Variants in RYR2 observed in about 807,000 individuals in gnomAD.
RYR2 encodes ryanodine receptor 2.
Under a neutral mutation model 601.1 loss-of-function variants are expected in RYR2, and 227 were observed. That is an observed-to-expected ratio of 0.38 (90% CI 0.34 to 0.42). The LOEUF (loss-of-function observed/expected upper bound fraction) is 0.42. Among genes scored for constraint, RYR2 ranks in the 10% least tolerant of loss-of-function variants. The pLI is 1.00. For missense variants in RYR2, 4,646 were observed against 6,156.5 expected, an observed-to-expected ratio of 0.75 and a Z score of 8.21; for synonymous variants, 2,223 against 2,175.1, an observed-to-expected ratio of 1.02 and a Z score of -0.61.
intron 57 of RYR2, 53 bp from the exon 58 acceptor site, chr1:237,667,830 C>T: frequency 2.3e-6 from 3 of 1,308,772 alleles, no homozygotes; most frequent in Non-Finnish European, 3.2e-6. Flanking sequence ...TATTAGAAAG[C>T]AATATTATCC....
intron 1 of RYR2, among the ~76,000 whole-genome samples, chr1:237,087,753 A>T (rs548052164): frequency 6.6e-6 from 1 of 152,236 alleles, no homozygotes; most frequent in East Asian, 1.9e-4. Context: ...TTCTCCTCCT[A>T]CATTCCCCCC....
intron 29 of RYR2, among the ~76,000 whole-genome samples, chr1:237,588,986 T>G (rs141675764): frequency 1.4e-4 from 21 of 152,240 alleles, no homozygotes; most frequent in African/African-American, 4.3e-4. Context: ...ACAAAGTTAG[T>G]ATAGTTCCCC....
chr1:237,058,828 ACAAT>A (rs1662496376), intron 1 of RYR2, among the ~76,000 whole-genome samples: 1 of 152,030 alleles, frequency 6.6e-6, no homozygotes, highest in African/African-American at 2.4e-5. Flanking sequence ...GTGTTCAGTA[ACAAT>A]CAGGTAGCAA....
chr1:237,278,596 T>C (rs1036383226), intron 2 of RYR2, among the ~76,000 whole-genome samples: 2 of 152,186 alleles, frequency 1.3e-5, no homozygotes, highest in African/African-American at 4.8e-5. Context: ...GATAAGTGAA[T>C]ATAATTTGTA....
intron 72 of RYR2, 21 bp from the exon 73 acceptor site, chr1:237,718,441 G>A (rs1350024527): frequency 1.5e-6 from 2 of 1,345,190 alleles, no homozygotes; most frequent in Admixed American, 3.5e-5. Flanking sequence ...CTCCTTTTAG[G>A]TAACATATAT....
chr1:237,390,432 C>T (rs1193823402), intron 10 of RYR2, among the ~76,000 whole-genome samples: 1 of 152,044 alleles, frequency 6.6e-6, no homozygotes, highest in Admixed American at 6.6e-5. Context: ...TTATCTCCTG[C>T]TTTATGGGGC....
intron 73 of RYR2, among the ~76,000 whole-genome samples, chr1:237,721,489 A>G (rs1181712112): frequency 6.6e-6 from 1 of 152,150 alleles, no homozygotes; most frequent in Non-Finnish European, 1.5e-5. Context: ...ATTCTAAAGT[A>G]GAAGACAAGG....
chr1:237,548,579 G>A lies in RYR2; in HGVS notation c.3055G>A (p.Gly1019Ser), dbSNP rs772634446. The stretch of plus-strand genomic sequence containing the variant: ...TCGAATCCGGCAGGGCTGGACTTAT[G>A]GCATCCAACAGGTACATGGGAATTA... Reference protein sequence around the residue: ...RDRIRQGWTYGIQQDVKNRRN... With the variant: ...RDRIRQGWTYSIQQDVKNRRN... Residue 1019 changes from glycine (G) to serine (S), a missense_variant, in exon 26 of 105, where the codon GGC (glycine) becomes AGC (serine). Around this residue, in one of 17 missense-constraint regions of RYR2, gnomAD observed 1,807 missense variants for 2,088.1 expected, o/e 0.87. Transcript: ENST00000366574. 4.3e-6 allele frequency: 7 copies of A among 1,613,698 alleles called. No individual in the cohort carries two copies. Among genetic ancestry groups the A allele is most frequent in the Non-Finnish European group, 5.9e-6 (7 of 1,179,844 alleles).
chr1:237,653,970 T>A (rs1573359220), intron 51 of RYR2, among the ~76,000 whole-genome samples: 1 of 152,140 alleles, frequency 6.6e-6, no homozygotes, highest in Admixed American at 6.5e-5. Context: ...CCACCCAGAT[T>A]GAGAATGGGT....
intron 1 of RYR2, among the ~76,000 whole-genome samples, chr1:237,056,269 G>A (rs1307321029): frequency 1.4e-5 from 2 of 147,270 alleles, no homozygotes; most frequent in African/African-American, 5.1e-5. Context: ...CATGTGTGAG[G>A]ACTAGAGACT....
In RYR2 at chr1:237,798,801, C is replaced by CACACACAT. The variant is rs3835529; in HGVS notation, c.14090+632_14090+633insCACACATA. 2.7e-3 allele frequency among the ~76,000 whole-genome samples: 396 copies of CACACACAT among 148,396 alleles called. 1 individual carries two copies. The highest frequency in any genetic ancestry group is 7.8e-3 in the East Asian group (40 of 5,112). On this transcript the variant is annotated intron_variant, in intron 97 of 104. Transcript: ENST00000366574. ...TCACACACACACACACACACACACA[C>CACACACAT]ATATAGTGTGAGTGTACAGATATAT... is the stretch of plus-strand genomic sequence containing the variant.
intron 14 of RYR2, among the ~76,000 whole-genome samples, chr1:237,449,215 C>T (rs545101308): frequency 6.6e-6 from 1 of 152,156 alleles, no homozygotes; most frequent in East Asian, 1.9e-4. Flanking sequence ...TTTCATCTTA[C>T]CTCCTTTTTA....
intron 3 of RYR2, among the ~76,000 whole-genome samples, chr1:237,355,709 C>T (rs1289286860): frequency 6.6e-6 from 1 of 152,048 alleles, no homozygotes; most frequent in East Asian, 1.9e-4. Flanking sequence ...ATTGGATTAT[C>T]ATTATTTTAT....
At chr1:237,572,353 T>C (rs1672788628) in intron 29 of RYR2, among the ~76,000 whole-genome samples, 2 of 152,202 alleles carry the variant, frequency 1.3e-5, no homozygotes. Flanking sequence ...TGAGTTCTGT[T>C]TGTATGGTAC....
At chr1:237,546,351 G>A (rs891460743) in intron 25 of RYR2, among the ~76,000 whole-genome samples, 12 of 152,060 alleles carry the variant, frequency 7.9e-5, no homozygotes, top group Non-Finnish European at 1.6e-4. Context: ...TTACTTTTTT[G>A]TGTCTATAGA....
chr1:237,671,486 G>A (rs1438004333), intron 58 of RYR2, among the ~76,000 whole-genome samples: 1 of 151,742 alleles, frequency 6.6e-6, no homozygotes, highest in African/African-American at 2.4e-5. Context: ...GTCACCACCT[G>A]ATGTCTTGGT....
At chr1:237,478,530 T>A (rs972189010) in intron 17 of RYR2, among the ~76,000 whole-genome samples, 1 of 152,218 alleles carries the variant, frequency 6.6e-6, no homozygotes, top group African/African-American at 2.4e-5. Context: ...AGCAAGGTTT[T>A]CCCATGTTCA....
At chr1:237,314,512 T>A (rs1558607898) in intron 2 of RYR2, among the ~76,000 whole-genome samples, 1 of 152,242 alleles carries the variant, frequency 6.6e-6, no homozygotes, top group Non-Finnish European at 1.5e-5. Context: ...GCCTTCCAGG[T>A]GCTCAGGTTG....
chr1:237,491,007 G>A (rs1163194681), intron 17 of RYR2, among the ~76,000 whole-genome samples: 1 of 152,052 alleles, frequency 6.6e-6, no homozygotes, highest in Non-Finnish European at 1.5e-5. Flanking sequence ...TTGTTGACAA[G>A]GCAAGCTTGT....
Sources: gnomAD v4.1 joint callset for allele counts (sites outside exome capture counted in the v4.1 genomes callset) on GRCh38, gnomAD v4.1.1 for gene constraint, gnomAD v4.1.1 regional missense constraint, MANE v1.5 for transcripts, NCBI Gene and HGNC (gene_info 2026-07-23, HGNC 2026-07-21) for gene names.